Variants in CPO observed in about 807,000 individuals in gnomAD.
CPO encodes metallocarboxypeptidase C.
Under a neutral mutation model 41.2 loss-of-function variants are expected in CPO, and 43 were observed. The ratio of observed to expected loss-of-function variants is 1.04; its 90% CI spans 0.82 to 1.35. The LOEUF is 1.35. Among genes scored for constraint, CPO ranks in the 40% most tolerant of loss-of-function variants. The probability of loss-of-function intolerance (pLI) is 0.00; values close to 1 mark genes in which losing one functional copy is unlikely to be tolerated. For missense variants in CPO, 408 were observed against 451.7 expected, an observed-to-expected ratio of 0.90 and a Z score of 0.88; for synonymous variants, 178 against 162.7, an observed-to-expected ratio of 1.09 and a Z score of -0.72.
intron 7 of CPO, among the ~76,000 whole-genome samples, chr2:206,967,922 T>C (rs753367567): frequency 9.2e-5 from 14 of 152,100 alleles, no homozygotes; most frequent in Non-Finnish European, 2.1e-4. Context: ...ATTTCAGAGG[T>C]AGAGTCTGAC....
At chr2:206,947,349 A>G (rs1693164933) in intron 1 of CPO, among the ~76,000 whole-genome samples, 1 of 152,202 alleles carries the variant, frequency 6.6e-6, no homozygotes, top group African/African-American at 2.4e-5. Context: ...AGACATCCAA[A>G]TGCAAAATAA....
intron 1 of CPO, among the ~76,000 whole-genome samples, chr2:206,940,614 A>T (rs1693010315): frequency 6.6e-6 from 1 of 151,928 alleles, no homozygotes; most frequent in Non-Finnish European, 1.5e-5. Context: ...AATACATTCT[A>T]TTGAAATCTG....
intron 6 of CPO, among the ~76,000 whole-genome samples, chr2:206,961,786 C>A (rs910355494): frequency 1.3e-5 from 2 of 151,860 alleles, no homozygotes; most frequent in South Asian, 2.1e-4. Context: ...CAGGGCCCAC[C>A]ACAGGTTTAA....
At chr2:206,944,282 A>G (rs1693099614) in intron 1 of CPO, among the ~76,000 whole-genome samples, 1 of 152,038 alleles carries the variant, frequency 6.6e-6, no homozygotes, top group African/African-American at 2.4e-5. Flanking sequence ...CTGAAAATGT[A>G]TGTTAAGAAT....
At chr2:206,940,744 AT>A (rs1693012911) in intron 1 of CPO, among the ~76,000 whole-genome samples, 1 of 151,942 alleles carries the variant, frequency 6.6e-6, no homozygotes, top group Non-Finnish European at 1.5e-5. Flanking sequence ...TATAATTGGT[AT>A]TTCCTCTTTT....
intron 7 of CPO, 77 bp from the exon 8 acceptor site, chr2:206,968,186 G>A: frequency 9.8e-7 from 1 of 1,022,052 alleles, no homozygotes; most frequent in Non-Finnish European, 1.5e-6. Flanking sequence ...AGATGAATCT[G>A]GACAAAACAC....
At chr2:206,966,436 G>A (rs985004798) in intron 7 of CPO, among the ~76,000 whole-genome samples, 3 of 152,084 alleles carry the variant, frequency 2.0e-5, no homozygotes, top group Non-Finnish European at 4.4e-5. Flanking sequence ...AGGGAGTGTG[G>A]TTGGTAAATC....
intron 7 of CPO, among the ~76,000 whole-genome samples, chr2:206,967,346 T>TATATATATAG (rs1452317069): frequency 6.3e-5 from 7 of 111,278 alleles, no homozygotes; most frequent in African/African-American, 2.7e-4. Context: ...TATATATATA[T>TATATATATAG]ATATAGATAT....
intron 2 of CPO, among the ~76,000 whole-genome samples, chr2:206,952,006 G>T (rs936102801): frequency 1.3e-5 from 2 of 152,120 alleles, no homozygotes; most frequent in African/African-American, 4.8e-5. Flanking sequence ...ACCCTCACTT[G>T]AGTAAGTATT....
chr2:206,957,519 C>G (rs777818877), intron 3 of CPO, among the ~76,000 whole-genome samples: 34 of 152,132 alleles, frequency 2.2e-4, no homozygotes, highest in Non-Finnish European at 4.0e-4. Context: ...GTAAGTTTCT[C>G]ATAGAGAGGA....
At chr2:206,945,885 G>T (rs939674619) in intron 1 of CPO, among the ~76,000 whole-genome samples, 2 of 151,784 alleles carry the variant, frequency 1.3e-5, no homozygotes, top group Admixed American at 6.6e-5. Flanking sequence ...GCAGTCAGCC[G>T]AGATCATGCC....
rs538731109 is a variant in CPO at position 206,958,473 on chromosome 2, T to C, written c.372+68T>C. 84 of 801,300 alleles carry C rather than the reference T, an allele frequency of 1.0e-4. 1 individual carries two copies. In the African/African-American group the frequency reaches 1.2e-3, roughly 12 times the overall value. 49.6% of individuals were successfully genotyped at this position (801,300 alleles called of 1,614,324 possible). On this transcript the variant is annotated intron_variant, in intron 4 of 8. Transcript: ENST00000272852. The stretch of plus-strand genomic sequence containing the variant: ...AAAATATCTGTCACTTCTTGGCTGC[T>C]TACAAACCACGCTTCTTTCACATGT...
chr2:206,958,347 G>T lies in CPO; in HGVS notation c.314G>T (p.Cys105Phe), dbSNP rs1353485541. The T allele has an allele frequency of 6.2e-7, 1 of 1,602,488 alleles. No homozygotes were observed. Among genetic ancestry groups the T allele is most frequent in the Non-Finnish European group, 8.5e-7 (1 of 1,174,672 alleles). Residue 105 changes from cysteine to phenylalanine, a missense_variant, in exon 4 of 9, where the codon TGT (cysteine) becomes TTT (phenylalanine). By Grantham distance (205) the Cys-to-Phe change is radical. Transcript: ENST00000272852. ...CCCAAGAAAATCATTTGGATGGACT[G>T]TGGAATTCACGCCAGAGAATGGATT... ...GNPKKIIWMD[C>F]GIHAREWIAP...
At chr2:206,961,525 C>T (rs929896373) in intron 6 of CPO, among the ~76,000 whole-genome samples, 2 of 152,098 alleles carry the variant, frequency 1.3e-5, no homozygotes, top group Admixed American at 6.6e-5. Context: ...GTAGCCCTAC[C>T]TTATCAGTAG....
chr2:206,959,614 C>T lies in CPO; in HGVS notation c.373-17C>T, dbSNP rs768563290. On this transcript the variant is annotated splice_polypyrimidine_tract_variant and intron_variant, in intron 4 of 8. Transcript: ENST00000272852. ...GATCTCAAAATAATTCTGAACATTT[C>T]TTTCTTAAATTTCCAGATTCTACAA... 4.7e-6 allele frequency: 5 copies of T among 1,066,714 alleles called. No individual in the cohort carries two copies. The highest frequency in any genetic ancestry group is 3.2e-5 in the African/African-American group (2 of 63,138). The allele number at this position is 1,066,714 out of a possible 1,614,324, so 66.1% of individuals were successfully genotyped here.
In CPO at chr2:206,939,620, C is replaced by T; in HGVS notation, c.21C>T (p.Thr7=). The change falls in exon 1 of 9, where the codon ACC becomes ACT. Residue 7 remains threonine (T), a synonymous_variant. Transcript: ENST00000272852. Reference sequence around the variant, plus strand: ...GCAGAATGAAGCCTCTGCTTGAAACCCTTTATCTTTTGGGGATGCTGGTTC... The same window carrying T: ...GCAGAATGAAGCCTCTGCTTGAAACTCTTTATCTTTTGGGGATGCTGGTTC... MKPLLE[T]LYLLGMLVPG... The T allele has an allele frequency of 6.2e-7, 1 of 1,611,212 alleles. No homozygotes were observed. Among genetic ancestry groups the T allele is most frequent in the East Asian group, 2.2e-5 (1 of 44,780 alleles).
chr2:206,963,564 T>A (rs536283384), intron 7 of CPO, among the ~76,000 whole-genome samples: 1 of 152,336 alleles, frequency 6.6e-6, no homozygotes, highest in Admixed American at 6.5e-5. Context: ...ATCTGACCAC[T>A]CTACATACCT....
chr2:206,962,284 T>C (rs1693494909), intron 6 of CPO, 128 bp from the exon 7 acceptor site: 1 of 773,638 alleles, frequency 1.3e-6, no homozygotes, highest in Non-Finnish European at 2.2e-6. Context: ...TAGCCTGGAC[T>C]AACTCAGACA....
intron 1 of CPO, 56 bp from the exon 2 acceptor site, chr2:206,949,561 C>G: frequency 1.5e-6 from 2 of 1,298,532 alleles, no homozygotes; most frequent in Non-Finnish European, 2.2e-6. Context: ...ACCCGCCAAC[C>G]CTCAGGATAT....
Sources: allele counts gnomAD v4.1 joint callset (sites outside exome capture counted in the v4.1 genomes callset), GRCh38; gene constraint gnomAD v4.1.1; transcripts MANE v1.5; gene names NCBI Gene and HGNC (gene_info 2026-07-23, HGNC 2026-07-21).